The following MARK4 variants were observed in gnomAD, a reference collection of about 807,000 sequenced individuals.
MARK4 encodes the protein MAP/microtubule affinity-regulating kinase 4.
A neutral mutation model predicts 81.5 loss-of-function variants in MARK4; 19 were observed. The observed-to-expected ratio is 0.23, with a 90% CI of 0.16 to 0.34. MARK4 has a LOEUF of 0.34. Ranked by LOEUF, MARK4 falls within the 10% of genes least tolerant of loss-of-function variation. MARK4 has a pLI of 1.00. For synonymous variants in MARK4, 436 were observed against 439.0 expected (o/e 0.99, Z 0.08); for missense variants, 772 against 1,058.8 (o/e 0.73, Z 3.76).
intron 4 of MARK4, among the ~76,000 whole-genome samples, chr19:45,263,820 C>T (rs1970412804): frequency 6.6e-6 from 1 of 151,876 alleles, no homozygotes; most frequent in African/African-American, 2.4e-5. Context: ...GGGCAAGTCA[C>T]TTAACCTCTT....
intron 12 of MARK4, 93 bp from the exon 13 acceptor site, chr19:45,287,354 C>A: frequency 1.2e-6 from 1 of 854,036 alleles, no homozygotes; most frequent in African/African-American, 1.7e-5. Context: ...AGATTGCAAC[C>A]CACGTGAGGA....
rs188887471 is a variant in MARK4 at position 45,273,199 on chromosome 19, A to G, written c.786+1491A>G. On this transcript the variant is annotated intron_variant, in intron 8 of 16. Coordinates refer to ENST00000262891, the MANE Select transcript of MARK4 (RefSeq NM_001199867.2). ...TGCCAATCTACGGAAAAGTTGCAAC[A>G]GTAGAGCAAATAACACATGGTATGT... Among the ~76,000 whole-genome samples, 3 of 152,168 alleles carry G rather than the reference A, an allele frequency of 2.0e-5. No homozygotes were observed. The East Asian group carries it at 5.8e-4, about 29-fold the overall frequency.
At chr19:45,299,161 T>C (rs1970932829) in intron 15 of MARK4, among the ~76,000 whole-genome samples, 1 of 150,006 alleles carries the variant, frequency 6.7e-6, no homozygotes, top group South Asian at 2.1e-4. Flanking sequence ...GGCCTCTGGA[T>C]GAGGTGGCTC....
intron 1 of MARK4, among the ~76,000 whole-genome samples, chr19:45,258,047 G>C (rs1247261845): frequency 6.8e-6 from 1 of 148,108 alleles, no homozygotes; most frequent in Non-Finnish European, 1.5e-5. Context: ...GTGCAGTAGA[G>C]CGATCTCGGC....
At chr19:45,253,341 A>G (rs1271884503) in intron 1 of MARK4, among the ~76,000 whole-genome samples, 1 of 152,146 alleles carries the variant, frequency 6.6e-6, no homozygotes, top group East Asian at 1.9e-4. Flanking sequence ...CTTGGTCACT[A>G]CAATCTACAG....
At chr19:45,298,801 T>G (rs1354138406) in intron 15 of MARK4, among the ~76,000 whole-genome samples, 2 of 152,060 alleles carry the variant, frequency 1.3e-5, no homozygotes, top group Non-Finnish European at 2.9e-5. Flanking sequence ...AGGAGCCAAA[T>G]TTGGTGGCTT....
At chr19:45,265,533 G>T (rs1819072676) in intron 6 of MARK4, among the ~76,000 whole-genome samples, 1 of 151,664 alleles carries the variant, frequency 6.6e-6, no homozygotes, top group Admixed American at 6.6e-5. Context: ...GGACGTGCAG[G>T]TGTGAGGGTG....
chr19:45,277,812 T>C lies in MARK4; in HGVS notation c.787-111T>C. On this transcript the variant is annotated intron_variant, in intron 8 of 16. Transcript: ENST00000262891. Reference sequence around the variant, plus strand: ...CTTCTGTCACTTCTATCAAAGGGGTTGGGACAAAGGTTGTGTGTGTGTGTG... The same window carrying C: ...CTTCTGTCACTTCTATCAAAGGGGTCGGGACAAAGGTTGTGTGTGTGTGTG... 2 of 1,295,712 alleles carry C rather than the reference T, an allele frequency of 1.5e-6. 1 individual carries two copies. The highest frequency in any genetic ancestry group is 3.3e-5 in the South Asian group (2 of 61,212). 80.3% of individuals were successfully genotyped at this position (1,295,712 alleles called of 1,614,324 possible). A position where few individuals can be genotyped will look rare whatever the true frequency, so the allele number is the denominator to read the frequency against.
At chr19:45,291,598 C>T (rs970411089) in intron 13 of MARK4, among the ~76,000 whole-genome samples, 4 of 152,060 alleles carry the variant, frequency 2.6e-5, no homozygotes, top group East Asian at 1.9e-4. Context: ...CTGGCTAACA[C>T]GGTGAAACCC....
At chr19:45,286,526 A>G (rs1197331370) in intron 12 of MARK4, among the ~76,000 whole-genome samples, 1 of 151,580 alleles carries the variant, frequency 6.6e-6, no homozygotes, top group Non-Finnish European at 1.5e-5. Flanking sequence ...CCTAGACAAC[A>G]TGGCGAAATC....
chr19:45,266,058 G>A (rs1170864190), intron 6 of MARK4, among the ~76,000 whole-genome samples, 167 bp from the exon 7 acceptor site: 1 of 152,012 alleles, frequency 6.6e-6, no homozygotes, highest in East Asian at 1.9e-4. Context: ...TGTCTGCCCA[G>A]GTTCCACGGG....
chr19:45,252,747 C>G (rs1028470833), intron 1 of MARK4, among the ~76,000 whole-genome samples: 2 of 152,134 alleles, frequency 1.3e-5, no homozygotes, highest in Non-Finnish European at 2.9e-5. Flanking sequence ...CTGCTGGAAG[C>G]TTTCTCCCCA....
chr19:45,275,498 AAAG>A (rs565070620), intron 8 of MARK4, among the ~76,000 whole-genome samples: 225 of 152,164 alleles, frequency 1.5e-3, no homozygotes, highest in African/African-American at 5.3e-3. Context: ...AAAAAAAAAA[AAAG>A]CATCTGCTTG....
chr19:45,268,970 A>G (rs1465559024), intron 7 of MARK4, among the ~76,000 whole-genome samples: 1 of 152,110 alleles, frequency 6.6e-6, no homozygotes, highest in African/African-American at 2.4e-5. Context: ...AGGGTCCCCA[A>G]AGCAGCTAAC....
chr19:45,298,344 G>A, intron 15 of MARK4: 1 of 1,038,720 alleles, frequency 9.6e-7, no homozygotes, highest in Non-Finnish European at 1.5e-6. Context: ...GGGTCTGGTT[G>A]TTCATTTACT....
chr19:45,302,406 C>T lies in MARK4; in HGVS notation c.1955C>T (p.Ala652Val), dbSNP rs777033275. The T allele has an allele frequency of 1.2e-6, 2 of 1,614,016 alleles. No individual in the cohort carries two copies. Among genetic ancestry groups the T allele is most frequent in the African/African-American group, 1.3e-5 (1 of 75,032 alleles). Residue 652 changes from alanine (A) to valine (V), a missense_variant, in exon 17 of 17, where the codon GCC (alanine) becomes GTC (valine). By Grantham distance (64) the Ala-to-Val change is moderately conservative. Coordinates refer to ENST00000262891, the MANE Select transcript of MARK4 (RefSeq NM_001199867.2). The surrounding 1 kb of genome is among the most constrained non-coding windows in gnomAD (Gnocchi z 4.9). ...CTACCTTGGGATCAAACGGAAACCGCCCCCCGGCTGCTCCGATTCCCCTGG... is the reference window on the plus strand; with the variant it reads ...CTACCTTGGGATCAAACGGAAACCGTCCCCCGGCTGCTCCGATTCCCCTGG... ...CHLPWDQTET[A>V]PRLLRFPWSV...
In MARK4 at chr19:45,304,297, C is replaced by T. The variant is rs1027021811; in HGVS notation, c.*1587C>T. 1.3e-5 allele frequency: 2 copies of T among 152,190 alleles called. No homozygotes were observed. The highest frequency in any genetic ancestry group is 2.9e-5 in the Non-Finnish European group (2 of 68,046). 9.4% of individuals were successfully genotyped at this position (152,190 alleles called of 1,614,324 possible). A position where few individuals can be genotyped will look rare whatever the true frequency, so the allele number is the denominator to read the frequency against. On this transcript the variant is annotated 3_prime_UTR_variant, in exon 17 of 17. Coordinates refer to ENST00000262891, the MANE Select transcript of MARK4 (RefSeq NM_001199867.2). ...CCCAGCAAAAGTCCCAGGGCAGACT[C>T]TCATTGGCCCAAATGGGCCATGTGA...
chr19:45,254,131 C>G (rs568815272), intron 1 of MARK4, among the ~76,000 whole-genome samples: 2 of 152,250 alleles, frequency 1.3e-5, no homozygotes, highest in African/African-American at 4.8e-5. Context: ...GCTCCCCCAC[C>G]CCAAGTTCCA....
rs547487115 is a variant in MARK4 at position 45,259,010 on chromosome 19, C to G, written c.73C>G (p.Arg25Gly). Residue 25 changes from arginine (R) to glycine (G), a missense_variant, in exon 2 of 17, where the codon CGC becomes GGC. By Grantham distance (125) the Arg-to-Gly change is moderately radical. Coordinates refer to ENST00000262891, the MANE Select transcript of MARK4 (RefSeq NM_001199867.2). The part of the protein sequence containing the change: ...SDTHGTLGSG[R>G]SSDKGPSWSS... ...CCAGCATGGCACCTTGGGCAGTGGC[C>G]GCTCCTCGGACAAAGGCCCGTCCTG... The G allele has an allele frequency of 1.9e-6, 3 of 1,612,808 alleles. No homozygotes were observed. The South Asian group carries it at 3.3e-5, about 18-fold the overall frequency.
Sources: allele counts gnomAD v4.1 joint callset (sites outside exome capture counted in the v4.1 genomes callset), GRCh38; gene constraint gnomAD v4.1.1; non-coding constraint Gnocchi (gnomAD v3.1); transcripts MANE v1.5; gene names NCBI Gene and HGNC (gene_info 2026-07-23, HGNC 2026-07-21).